SNX2: variants seen among roughly 807,000 people sequenced by gnomAD.
The protein encoded by SNX2 is sorting nexin 2, also known as sorting nexin-2.
Under a neutral mutation model 69.9 loss-of-function variants are expected in SNX2, and 25 were observed. That is an observed-to-expected ratio of 0.36 (90% confidence interval 0.26 to 0.50). The LOEUF (loss-of-function observed/expected upper bound fraction) is 0.50. Among genes scored for constraint, SNX2 ranks in the 20% least tolerant of loss-of-function variants. The probability of loss-of-function intolerance (pLI) is 0.97; values close to 1 mark genes in which losing one functional copy is unlikely to be tolerated. For synonymous variants in SNX2, 229 were observed against 200.4 expected, an observed-to-expected ratio of 1.14 and a Z score of -1.20; for missense variants, 551 against 613.3, an observed-to-expected ratio of 0.90 and a Z score of 1.07.
intron 1 of SNX2, among the ~76,000 whole-genome samples, chr5:122,779,779 G>A (rs13161602): frequency 0.2 from 30,945 of 151,846 alleles, 3,573 homozygotes; most frequent in East Asian, 0.46. Context: ...TGGAGGATTC[G>A]CAGGTTTGTT....
chr5:122,818,421 CAA>C (rs1165928993), intron 10 of SNX2, among the ~76,000 whole-genome samples: 1 of 152,032 alleles, frequency 6.6e-6, no homozygotes, highest in East Asian at 1.9e-4. Context: ...TTTTCAATGA[CAA>C]ATGTTTAAAG....
intron 1 of SNX2, among the ~76,000 whole-genome samples, chr5:122,788,042 A>G (rs957037293): frequency 1.3e-5 from 2 of 152,176 alleles, no homozygotes; most frequent in Non-Finnish European, 2.9e-5. Context: ...TAGCATAAAG[A>G]ATTTCCTTCA....
intron 6 of SNX2, 36 bp from the exon 7 acceptor site, chr5:122,808,241 T>C (rs760958791): frequency 7.6e-7 from 1 of 1,314,188 alleles, no homozygotes; most frequent in Non-Finnish European, 1.1e-6. Flanking sequence ...CACAGCAATA[T>C]AAAGTCATCA....
Position 122,779,079 on chromosome 5 carries a change from G to C in SNX2, c.108+3868G>C, listed in dbSNP as rs550622428. 2.0e-5 allele frequency among the ~76,000 whole-genome samples: 3 copies of C among 152,212 alleles called. No homozygotes were observed. The South Asian group carries it at 6.2e-4, about 32-fold the overall frequency. On this transcript the variant is annotated intron_variant, in intron 1 of 14. Transcript: ENST00000379516. ...TGACCTTTAAATACAGTTTTGCATG[G>C]AGTAGTAGATAGTACGTTTTAAAAA...
At chr5:122,806,142 G>GCGCACGCACGCACACACACACACA in intron 6 of SNX2, among the ~76,000 whole-genome samples, 6 of 130,656 alleles carry the variant, frequency 4.6e-5, no homozygotes, top group African/African-American at 1.7e-4. Flanking sequence ...ACACGCGCGC[G>GCGCACGCACGCACACACACACACA]CACACACACA....
intron 2 of SNX2, among the ~76,000 whole-genome samples, chr5:122,796,286 G>A (rs1267654329): frequency 1.3e-5 from 2 of 152,156 alleles, no homozygotes; most frequent in Non-Finnish European, 2.9e-5. Flanking sequence ...ATCTTTCATA[G>A]TGGTTCAATA....
At chr5:122,810,395 CAATTAAAAAA>C (rs1561464604) in intron 7 of SNX2, among the ~76,000 whole-genome samples, 1 of 77,976 alleles carries the variant, frequency 1.3e-5, no homozygotes. Context: ...CAAGAATGAT[CAATTAAAAAA>C]AAAAAAAAAA....
At chr5:122,775,603 C>G in intron 1 of SNX2, 3 of 990,538 alleles carry the variant, frequency 3.0e-6, no homozygotes, top group Non-Finnish European at 3.6e-6. Context: ...CTTTTCCTTT[C>G]CAGAGGGAGG....
At chr5:122,814,045 A>G (rs1753843613) in intron 7 of SNX2, among the ~76,000 whole-genome samples, 1 of 152,120 alleles carries the variant, frequency 6.6e-6, no homozygotes, top group Admixed American at 6.5e-5. Flanking sequence ...TACAGGCATG[A>G]GCCACCTCAC....
intron 1 of SNX2, among the ~76,000 whole-genome samples, chr5:122,779,549 C>T (rs1752924150): frequency 6.6e-6 from 1 of 151,974 alleles, no homozygotes; most frequent in South Asian, 2.1e-4. Context: ...TTTGTTTAAC[C>T]ATTTGTTGAT....
At chr5:122,801,693 T>C (rs1004309792) in intron 3 of SNX2, among the ~76,000 whole-genome samples, 176 bp from the exon 4 acceptor site, 5 of 102,918 alleles carry the variant, frequency 4.9e-5, no homozygotes, top group African/African-American at 2.4e-4. Flanking sequence ...GTGTGTGTTT[T>C]ATTTATAAAG....
At chr5:122,820,725 T>C (rs1179558294) in intron 11 of SNX2, among the ~76,000 whole-genome samples, 1 of 152,158 alleles carries the variant, frequency 6.6e-6, no homozygotes, top group Non-Finnish European at 1.5e-5. Context: ...ATATTTTCTA[T>C]AGAACACTGG....
intron 6 of SNX2, 32 bp downstream of exon 6, chr5:122,803,645 G>A: frequency 6.5e-7 from 1 of 1,544,990 alleles, no homozygotes; most frequent in South Asian, 1.2e-5. Context: ...ATTAATTTTT[G>A]TTACTGTTAC....
chr5:122,776,511 C>T (rs1441432224), intron 1 of SNX2, among the ~76,000 whole-genome samples: 1 of 151,988 alleles, frequency 6.6e-6, no homozygotes, highest in Non-Finnish European at 1.5e-5. Flanking sequence ...TTTGCACAAA[C>T]CTAATAGTAA....
At chr5:122,791,884 A>G (rs1164376807) in intron 1 of SNX2, among the ~76,000 whole-genome samples, 1 of 152,234 alleles carries the variant, frequency 6.6e-6, no homozygotes, top group African/African-American at 2.4e-5. Flanking sequence ...CTTCCTTTCT[A>G]TGTACAGCGT....
intron 1 of SNX2, among the ~76,000 whole-genome samples, chr5:122,786,399 G>T (rs1753089372): frequency 6.6e-6 from 1 of 151,208 alleles, no homozygotes; most frequent in Admixed American, 6.6e-5. Context: ...TTTCTCTTCA[G>T]TTTTTTTCCT....
intron 7 of SNX2, among the ~76,000 whole-genome samples, chr5:122,811,846 T>TAAAA (rs1406069410): frequency 1.7e-4 from 26 of 150,342 alleles, no homozygotes; most frequent in Admixed American, 8.0e-4. Flanking sequence ...AATAAATAAA[T>TAAAA]AAATAAATAA....
intron 1 of SNX2, among the ~76,000 whole-genome samples, chr5:122,783,083 C>T (rs932918162): frequency 6.6e-5 from 10 of 150,550 alleles, no homozygotes; most frequent in Non-Finnish European, 1.3e-4. Context: ...ACTACACACA[C>T]GTGCCACCAT....
At chr5:122,798,601 T>C (rs894058005) in intron 2 of SNX2, among the ~76,000 whole-genome samples, 1 of 152,220 alleles carries the variant, frequency 6.6e-6, no homozygotes, top group Admixed American at 6.5e-5. Context: ...ACCACTGGCC[T>C]GGTCCTGTGT....
Sources: allele counts gnomAD v4.1 joint callset (sites outside exome capture counted in the v4.1 genomes callset), GRCh38; gene constraint gnomAD v4.1.1; transcripts MANE v1.5; gene names NCBI Gene and HGNC (gene_info 2026-07-23, HGNC 2026-07-21).